The following TMEM170A variants were observed in gnomAD, a reference collection of about 807,000 sequenced individuals.
TMEM170A encodes transmembrane protein 170.
A neutral mutation model predicts 12.8 loss-of-function variants in TMEM170A; 18 were observed. The observed-to-expected ratio is 1.41, with a 90% CI of 0.97 to 2.09. The LOEUF (loss-of-function observed/expected upper bound fraction) is 2.09, where lower values mean the gene tolerates loss of function less well. Among genes scored for constraint, TMEM170A ranks in the 30% most tolerant of loss-of-function variants. TMEM170A has a pLI of 0.00. For synonymous variants in TMEM170A, 107 were observed against 76.2 expected (o/e 1.40, Z -2.11); for missense variants, 220 against 179.9 (o/e 1.22, Z -1.28).
chr16:75,454,045 G>C (rs1003119442), intron 1 of TMEM170A, among the ~76,000 whole-genome samples: 2 of 152,212 alleles, frequency 1.3e-5, no homozygotes, highest in Non-Finnish European at 2.9e-5. Context: ...CTTGGCTAGA[G>C]GCAGGTAAGT....
intron 1 of TMEM170A, among the ~76,000 whole-genome samples, chr16:75,462,238 G>C (rs762870506): frequency 6.6e-6 from 1 of 151,752 alleles, no homozygotes; most frequent in Non-Finnish European, 1.5e-5. Flanking sequence ...TTTTTTTGTT[G>C]AGACAAAGCC....
At chr16:75,452,283 T>G (rs558289663) in intron 1 of TMEM170A, among the ~76,000 whole-genome samples, 1 of 151,530 alleles carries the variant, frequency 6.6e-6, no homozygotes, top group African/African-American at 2.4e-5. Flanking sequence ...AATTTTTATT[T>G]TTAAAGACGG....
chr16:75,452,371 T>C (rs886111092), intron 1 of TMEM170A, among the ~76,000 whole-genome samples: 2 of 151,830 alleles, frequency 1.3e-5, no homozygotes, highest in African/African-American at 2.4e-5. Flanking sequence ...TAGGTCTGGG[T>C]GTTCTCCCGC....
In TMEM170A at chr16:75,445,285, A is replaced by G. The variant is rs1331247817; in HGVS notation, c.*2273T>C. On this transcript the variant is annotated 3_prime_UTR_variant, in exon 3 of 3. Coordinates refer to ENST00000561878, the MANE Select transcript of TMEM170A (RefSeq NM_145254.3). ...AGTTTCTGCCCGTGTATATGTCACT[A>G]TAGTTTTGATAAGTTAATTACCAAA... The G allele has an allele frequency of 6.6e-6, 1 of 152,212 alleles. No individual in the cohort carries two copies. Among genetic ancestry groups the G allele is most frequent in the East Asian group, 1.9e-4 (1 of 5,206 alleles). 9.4% of individuals were successfully genotyped at this position (152,212 alleles called of 1,614,324 possible).
chr16:75,449,788 C>T (rs2079650468), intron 2 of TMEM170A, among the ~76,000 whole-genome samples: 1 of 152,136 alleles, frequency 6.6e-6, no homozygotes, highest in African/African-American at 2.4e-5. Flanking sequence ...CATTGGGCCC[C>T]TCCAAAATTT....
At chr16:75,457,263 G>A (rs1467540318) in intron 1 of TMEM170A, among the ~76,000 whole-genome samples, 1 of 152,210 alleles carries the variant, frequency 6.6e-6, no homozygotes, top group Non-Finnish European at 1.5e-5. Context: ...TGAACTGGGA[G>A]GCAAAGCCTT....
intron 1 of TMEM170A, among the ~76,000 whole-genome samples, chr16:75,454,153 T>C (rs943301241): frequency 1.0e-4 from 14 of 133,852 alleles, no homozygotes; most frequent in South Asian, 4.4e-4. Context: ...TAACTTTTCA[T>C]TGTGGGGGCT....
At position 75,447,321 on chromosome 16, in the gene TMEM170A, TA is replaced by T; in HGVS notation, c.*236del. On this transcript the variant is annotated 3_prime_UTR_variant, in exon 3 of 3. Transcript: ENST00000561878. ...ACACATGAAAACTGCTTAAATCAAA[TA>T]TCTACAAAAAAGAAAGCCAAAAGAC... The T allele has an allele frequency of 3.0e-6, 1 of 330,926 alleles. No individual in the cohort carries two copies. Among genetic ancestry groups the T allele is most frequent in the Non-Finnish European group, 5.3e-6 (1 of 188,216 alleles). 20.5% of individuals were successfully genotyped at this position (330,926 alleles called of 1,614,324 possible). A position where few individuals can be genotyped will look rare whatever the true frequency, so the allele number is the denominator to read the frequency against.
At position 75,447,481 on chromosome 16, in the gene TMEM170A, A is replaced by C; in HGVS notation, c.*77T>G. 1 of 1,455,210 alleles carries C rather than the reference A, an allele frequency of 6.9e-7. No homozygotes were observed. The highest frequency in any genetic ancestry group is 1.5e-5 in the South Asian group (1 of 68,292). 90.1% of individuals were successfully genotyped at this position (1,455,210 alleles called of 1,614,324 possible). A position where few individuals can be genotyped will look rare whatever the true frequency, so the allele number is the denominator to read the frequency against. ...TTGCTTCCCTTTGAAGAACTAAGAA[A>C]ACACTACACTCCATAATGTATTCTT... On this transcript the variant is annotated 3_prime_UTR_variant, in exon 3 of 3. Transcript: ENST00000561878.
intron 2 of TMEM170A, among the ~76,000 whole-genome samples, chr16:75,450,679 G>T (rs190238412): frequency 1.3e-5 from 2 of 151,848 alleles, no homozygotes; most frequent in South Asian, 4.2e-4. Flanking sequence ...TTTTTCCCCC[G>T]GGTCTTGCTC....
rs915444625 is a variant in TMEM170A at position 75,447,378 on chromosome 16, A to G, written c.*180T>C. 5 of 561,212 alleles carry G rather than the reference A, an allele frequency of 8.9e-6. No individual in the cohort carries two copies. Among genetic ancestry groups the G allele is most frequent in the African/African-American group, 1.9e-5 (1 of 51,408 alleles). 34.8% of individuals were successfully genotyped at this position (561,212 alleles called of 1,614,324 possible). On this transcript the variant is annotated 3_prime_UTR_variant, in exon 3 of 3. Coordinates refer to ENST00000561878, the MANE Select transcript of TMEM170A (RefSeq NM_145254.3). ...TTGGTTGAGAACAATAGGAGTCCAC[A>G]TAAGTCTTCAATTCTAGGAGCTTCA... is the stretch of plus-strand genomic sequence containing the variant.
chr16:75,447,611 G>A lies in TMEM170A; in HGVS notation c.382C>T (p.Gln128Ter). Residue 128 changes from glutamine (Q) to a stop codon, truncating the protein, a stop_gained, in exon 3 of 3, where the codon CAG becomes TAG. Coordinates refer to ENST00000561878, the MANE Select transcript of TMEM170A (RefSeq NM_145254.3). LOFTEE classifies it high-confidence loss of function. ...GAGACCACCAAGACGCAAAATGTCTGTCCAGTGCCCAGTGTGAGGGCTTCA... is the reference window on the plus strand; with the variant it reads ...GAGACCACCAAGACGCAAAATGTCTATCCAGTGCCCAGTGTGAGGGCTTCA... ...PFEALTLGTG[Q>*]TFCVLVVSFL... 1 of 1,613,432 alleles carries A rather than the reference G, an allele frequency of 6.2e-7. No individual in the cohort carries two copies.
At position 75,464,650 on chromosome 16, in the gene TMEM170A, G is replaced by A. The variant is rs1597461928; in HGVS notation, c.-50C>T. 2 of 1,541,462 alleles carry A rather than the reference G, an allele frequency of 1.3e-6. No homozygotes were observed. The highest frequency in any genetic ancestry group is 2.4e-5 in the South Asian group (2 of 84,124). Reference sequence around the variant, plus strand: ...ATGAGGGACGAGCGCCCGAAGTGCGGTAGCGGCCGGCGCCGACTCACCCTC... The same window carrying A: ...ATGAGGGACGAGCGCCCGAAGTGCGATAGCGGCCGGCGCCGACTCACCCTC... On this transcript the variant is annotated 5_prime_UTR_variant, in exon 1 of 3. Transcript: ENST00000561878.
intron 1 of TMEM170A, among the ~76,000 whole-genome samples, chr16:75,455,053 C>A (rs1161926282): frequency 2.0e-5 from 3 of 152,162 alleles, no homozygotes; most frequent in Non-Finnish European, 4.4e-5. Flanking sequence ...ACTACAAAGT[C>A]CCATTAAAAT....
At position 75,464,518 on chromosome 16, in the gene TMEM170A, ACC is replaced by A. The variant is rs767604130; in HGVS notation, c.81_82del (p.Val28GlyfsTer52). ...GTTGGGGCACAGGGTCCCGTTGCCC[ACC>A]CGCGGCACAACCTTCAGGCTCAGGA... On this transcript the variant is annotated frameshift_variant, in exon 1 of 3. Transcript: ENST00000561878. LOFTEE classifies it high-confidence loss of function. The A allele has an allele frequency of 2.5e-6, 4 of 1,585,576 alleles. No individual in the cohort carries two copies. The East Asian group carries it at 9.8e-5, about 39-fold the overall frequency.
In TMEM170A at chr16:75,451,949, C is replaced by T. The variant is rs2079695069; in HGVS notation, c.134-110G>A. On this transcript the variant is annotated intron_variant, in intron 1 of 2. Coordinates refer to ENST00000561878, the MANE Select transcript of TMEM170A (RefSeq NM_145254.3). ...TCATTTTCAACACCGTTTCTTTTTT[C>T]CTTTTTTTTGAAAAATTTTTATTAT... is the stretch of plus-strand genomic sequence containing the variant. 5 of 1,071,730 alleles carry T rather than the reference C, an allele frequency of 4.7e-6. No individual in the cohort carries two copies. The South Asian group carries it at 7.2e-5, about 15-fold the overall frequency. The allele number at this position is 1,071,730 out of a possible 1,614,324, so 66.4% of individuals were successfully genotyped here.
At chr16:75,464,711 C>T (rs983318936), upstream of TMEM170A, 7 of 1,399,936 alleles carry the variant, frequency 5.0e-6, no homozygotes, top group Non-Finnish European at 6.6e-6. Context: ...GGGTCCTCTT[C>T]CCCCAATCCC....
intron 1 of TMEM170A, 114 bp downstream of exon 1, chr16:75,464,354 C>CT (rs150429885): frequency 0.61 from 841,964 of 1,386,004 alleles, 261,001 homozygotes; most frequent in Admixed American, 0.68. Context: ...CGGAGGACAG[C>CT]GCCCACGCCG....
At chr16:75,462,644 C>A (rs37591) in intron 1 of TMEM170A, among the ~76,000 whole-genome samples, 146,641 of 152,346 alleles carry the variant, frequency 0.96, 70,644 homozygotes, top group East Asian at 1. Flanking sequence ...ACAGTCTATA[C>A]AACAATTCAC....
Sources: gnomAD v4.1 joint callset for allele counts (sites outside exome capture counted in the v4.1 genomes callset) on GRCh38, gnomAD v4.1.1 for gene constraint, MANE v1.5 for transcripts, NCBI Gene and HGNC (gene_info 2026-07-23, HGNC 2026-07-21) for gene names.